The following SLC44A3 variants were observed in gnomAD, a reference collection of about 807,000 sequenced individuals.
SLC44A3 encodes the protein solute carrier family 44 member 3.
Under a neutral mutation model 75.4 loss-of-function variants are expected in SLC44A3, and 74 were observed. The observed-to-expected ratio is 0.98, with a 90% CI of 0.81 to 1.19. The LOEUF is 1.19. Ranked by LOEUF, SLC44A3 falls within the 50% of genes most tolerant of loss-of-function variation. The probability of loss-of-function intolerance (pLI) is 0.00; values close to 1 mark genes in which losing one functional copy is unlikely to be tolerated. For synonymous variants in SLC44A3, 310 were observed against 296.9 expected (o/e 1.04, Z -0.45); for missense variants, 700 against 778.6 (o/e 0.90, Z 1.20).
At chr1:94,844,481 T>C (rs1301443960) in intron 8 of SLC44A3, among the ~76,000 whole-genome samples, 3 of 152,020 alleles carry the variant, frequency 2.0e-5, no homozygotes, top group African/African-American at 7.2e-5. Context: ...GAAGCAGCAA[T>C]TAAAGAAGTA....
At chr1:94,846,689 C>T (rs1363092612) in intron 9 of SLC44A3, among the ~76,000 whole-genome samples, 1 of 152,228 alleles carries the variant, frequency 6.6e-6, no homozygotes, top group African/African-American at 2.4e-5. Context: ...GTTTGATTTT[C>T]TTAAGGCCCA....
chr1:94,862,205 A>G (rs11581551), intron 10 of SLC44A3, among the ~76,000 whole-genome samples: 7,067 of 152,320 alleles, frequency 0.046, 205 homozygotes, highest in South Asian at 0.075. Flanking sequence ...TGGAAGAGAC[A>G]TGGTCTCTAC....
chr1:94,891,261 A>G lies in SLC44A3; in HGVS notation c.1614A>G (p.Leu538=), dbSNP rs1375756910. The G allele has an allele frequency of 6.2e-7, 1 of 1,604,266 alleles. No homozygotes were observed. The highest frequency in any genetic ancestry group is 8.5e-7 in the Non-Finnish European group (1 of 1,176,862). Reference sequence around the variant, plus strand: ...GCTTTGGAGACTTCATAATTTTTCTAGGAAAGGTGAGATATCTTGACTAAA... The same window carrying G: ...GCTTTGGAGACTTCATAATTTTTCTGGGAAAGGTGAGATATCTTGACTAAA... ...INCFGDFIIF[L]GKVLVVCFTV... The change falls in exon 13 of 15, where the codon CTA becomes CTG. Residue 538 remains leucine (L), a synonymous_variant. Transcript: ENST00000271227.
At chr1:94,872,600 G>A (rs187738206) in intron 12 of SLC44A3, among the ~76,000 whole-genome samples, 1 of 152,140 alleles carries the variant, frequency 6.6e-6, no homozygotes, top group Admixed American at 6.6e-5. Context: ...TATAGCAGCA[G>A]TTTGCCTCTG....
chr1:94,868,549 GA>G lies in SLC44A3; in HGVS notation c.1482+1134del, dbSNP rs771144280. ...CCATAGGACCTTTCAGAATGGGGGG[GA>G]ACATATAACAAGTCAGTCCAAACCG... On this transcript the variant is annotated intron_variant, in intron 12 of 14. Transcript: ENST00000271227. Among the ~76,000 whole-genome samples, 121 of 152,156 alleles carry G rather than the reference GA, an allele frequency of 8.0e-4. 1 individual carries two copies. The highest frequency in any genetic ancestry group is 2.6e-3 in the African/African-American group (109 of 41,530).
chr1:94,845,255 T>C (rs1323701710), intron 8 of SLC44A3, 23 bp from the exon 9 acceptor site: 4 of 1,569,058 alleles, frequency 2.5e-6, no homozygotes, highest in Non-Finnish European at 3.5e-6. Flanking sequence ...GGAAGTAATT[T>C]ACTCAAATCC....
At chr1:94,854,338 C>A (rs755839216) in intron 9 of SLC44A3, among the ~76,000 whole-genome samples, 18 of 152,168 alleles carry the variant, frequency 1.2e-4, no homozygotes, top group Non-Finnish European at 2.4e-4. Context: ...GAGCTGTGGC[C>A]CACATTGTTT....
intron 2 of SLC44A3, among the ~76,000 whole-genome samples, chr1:94,822,757 T>C (rs12094996): frequency 0.015 from 2,307 of 152,296 alleles, 53 homozygotes; most frequent in African/African-American, 0.053. Context: ...CTATCATCCC[T>C]CAAGATTCCA....
chr1:94,862,462 C>T lies in SLC44A3; in HGVS notation c.1239-2281C>T, dbSNP rs75927507. Among the ~76,000 whole-genome samples the T allele has an allele frequency of 0.015, 2,267 of 152,288 alleles. 214 individuals carry two copies. In the East Asian group the frequency reaches 0.22, roughly 15 times the overall value. On this transcript the variant is annotated intron_variant, in intron 10 of 14. Coordinates refer to ENST00000271227, the MANE Select transcript of SLC44A3 (RefSeq NM_001114106.3). ...GAAATTACAAAACAGTACTTTGTACCATGACCCAAAGGTGTTAGAGGACTT... is the reference window on the plus strand; with the variant it reads ...GAAATTACAAAACAGTACTTTGTACTATGACCCAAAGGTGTTAGAGGACTT...
At chr1:94,829,474 T>C (rs948306090) in intron 5 of SLC44A3, among the ~76,000 whole-genome samples, 1 of 152,156 alleles carries the variant, frequency 6.6e-6, no homozygotes, top group African/African-American at 2.4e-5. Flanking sequence ...TGCAAGGTCT[T>C]ATTCACCCCT....
intron 2 of SLC44A3, among the ~76,000 whole-genome samples, chr1:94,822,661 A>G (rs1311321252): frequency 6.6e-6 from 1 of 152,128 alleles, no homozygotes; most frequent in Non-Finnish European, 1.5e-5. Flanking sequence ...TTATATTTGC[A>G]TTAAACATAA....
chr1:94,824,725 A>G (rs1661074741), intron 3 of SLC44A3, 90 bp downstream of exon 3: 15 of 1,434,432 alleles, frequency 1.0e-5, no homozygotes, highest in Non-Finnish European at 1.4e-5. Context: ...AACTTTTCCC[A>G]TTCAAAACTC....
At chr1:94,825,479 C>A (rs570804489) in intron 3 of SLC44A3, among the ~76,000 whole-genome samples, 1 of 151,966 alleles carries the variant, frequency 6.6e-6, no homozygotes, top group Admixed American at 6.6e-5. Flanking sequence ...TGCAGGCGCC[C>A]GCCACCAGGC....
At chr1:94,887,932 TAA>T (rs1226932203) in intron 12 of SLC44A3, among the ~76,000 whole-genome samples, 2 of 152,216 alleles carry the variant, frequency 1.3e-5, no homozygotes, top group Non-Finnish European at 2.9e-5. Context: ...CTCAGGTGCT[TAA>T]AGAGTTGCCT....
chr1:94,845,481 G>T lies in SLC44A3; in HGVS notation c.1072+17G>T, dbSNP rs749871836. On this transcript the variant is annotated intron_variant, in intron 9 of 14. Transcript: ENST00000271227. ...GAACTGCAGGTAAGGGACAGTGGGT[G>T]TGGGTTCCATCACCTTGGAGTCATA... is the stretch of plus-strand genomic sequence containing the variant. The T allele has an allele frequency of 1.9e-6, 3 of 1,598,062 alleles. No individual in the cohort carries two copies. The South Asian group carries it at 3.4e-5, about 18-fold the overall frequency.
At position 94,867,384 on chromosome 1, in the gene SLC44A3, G is replaced by T; in HGVS notation, c.1449G>T (p.Trp483Cys). 4 of 1,605,896 alleles carry T rather than the reference G, an allele frequency of 2.5e-6. 1 individual carries two copies. In the South Asian group the frequency reaches 4.5e-5, roughly 18 times the overall value. Reference sequence around the variant, plus strand: ...TCCGATGCTGCTACTGCTGTTTCTGGTGTCTTGACAAATACCTGCTCCATC... The same window carrying T: ...TCCGATGCTGCTACTGCTGTTTCTGTTGTCTTGACAAATACCTGCTCCATC... ...YLFRCCYCCF[W>C]CLDKYLLHLN... Residue 483 changes from tryptophan to cysteine, a missense_variant, in exon 12 of 15, where the codon TGG becomes TGT. Physicochemically the swap from Trp to Cys is radical, Grantham distance 215. Transcript: ENST00000271227.
intron 13 of SLC44A3, 111 bp from the exon 14 acceptor site, chr1:94,892,170 T>C (rs1041833997): frequency 1.3e-5 from 13 of 967,674 alleles, no homozygotes; most frequent in African/African-American, 8.2e-5. Context: ...TTTACAATAG[T>C]GCACACACAC....
At chr1:94,872,909 C>T (rs1205351655) in intron 12 of SLC44A3, among the ~76,000 whole-genome samples, 1 of 152,176 alleles carries the variant, frequency 6.6e-6, no homozygotes. Context: ...ATGGTGAGGA[C>T]TTATCCTAGA....
In SLC44A3 at chr1:94,827,478, C is replaced by A. The variant is rs111666984; in HGVS notation, c.279-29C>A. On this transcript the variant is annotated intron_variant, in intron 3 of 14. Coordinates refer to ENST00000271227, the MANE Select transcript of SLC44A3 (RefSeq NM_001114106.3). The stretch of plus-strand genomic sequence containing the variant: ...AGACCAGTGAGAAGCAATGCTCTAA[C>A]ACATTCTTCTGTTTCATCTATTTCC... 2.0e-4 allele frequency: 315 copies of A among 1,613,866 alleles called. No individual in the cohort carries two copies. In the African/African-American group the frequency reaches 3.4e-3, roughly 18 times the overall value.
Sources: allele counts gnomAD v4.1 joint callset (sites outside exome capture counted in the v4.1 genomes callset), GRCh38; gene constraint gnomAD v4.1.1; transcripts MANE v1.5; gene names NCBI Gene and HGNC (gene_info 2026-07-23, HGNC 2026-07-21).